Variants in SORCS1 observed in about 807,000 individuals in gnomAD.
SORCS1 encodes the protein sortilin related VPS10 domain containing receptor 1, also known as VPS10 domain-containing receptor SorCS1.
A neutral mutation model predicts 146.1 loss-of-function variants in SORCS1; 60 were observed. The ratio of observed to expected loss-of-function variants is 0.41; its 90% CI spans 0.33 to 0.51. The LOEUF is 0.51. Among genes scored for constraint, SORCS1 ranks in the 20% least tolerant of loss-of-function variants. The probability of loss-of-function intolerance (pLI) is 0.21; values close to 1 mark genes in which losing one functional copy is unlikely to be tolerated. For missense variants in SORCS1, 1,352 were observed against 1,487.6 expected (o/e 0.91, Z 1.50); for synonymous variants, 637 against 584.0 (o/e 1.09, Z -1.31).
intron 2 of SORCS1, among the ~76,000 whole-genome samples, chr10:106,844,885 T>A (rs1470065750): frequency 6.6e-6 from 1 of 150,448 alleles, no homozygotes; most frequent in Non-Finnish European, 1.5e-5. Context: ...TCCAATTTCA[T>A]CCATGGCCCT....
At chr10:107,035,404 A>T (rs1264720317) in intron 1 of SORCS1, among the ~76,000 whole-genome samples, 1 of 152,142 alleles carries the variant, frequency 6.6e-6, no homozygotes, top group Admixed American at 6.5e-5. Context: ...TGATTAAATG[A>T]GAGTACCTTC....
intron 10 of SORCS1, among the ~76,000 whole-genome samples, chr10:106,685,328 T>A (rs1462891759): frequency 6.6e-6 from 1 of 151,818 alleles, no homozygotes; most frequent in Admixed American, 6.6e-5. Flanking sequence ...ATTCCTGGAG[T>A]TGATTCTTTG....
Position 107,114,166 on chromosome 10 carries a change from A to C in SORCS1, c.558+49803T>G, listed in dbSNP as rs920599143. 2.6e-5 allele frequency among the ~76,000 whole-genome samples: 4 copies of C among 152,248 alleles called. No individual in the cohort carries two copies. The South Asian group carries it at 8.3e-4, about 32-fold the overall frequency. ...AATCAGTAATCAAAAACCTCCCAAC[A>C]AAAAAATTCCAGGGTCAATTATACC... On this transcript the variant is annotated intron_variant, in intron 1 of 25. Coordinates refer to ENST00000263054, the MANE Select transcript of SORCS1 (RefSeq NM_052918.5).
At chr10:107,088,449 G>A (rs938162574) in intron 1 of SORCS1, among the ~76,000 whole-genome samples, 2 of 152,120 alleles carry the variant, frequency 1.3e-5, no homozygotes, top group African/African-American at 4.8e-5. Flanking sequence ...GATTGGGTGG[G>A]GCATGGCAGG....
intron 1 of SORCS1, among the ~76,000 whole-genome samples, chr10:107,115,769 G>T (rs1434621646): frequency 6.6e-6 from 1 of 151,946 alleles, no homozygotes; most frequent in African/African-American, 2.4e-5. Flanking sequence ...AAACCAAAAA[G>T]CTTCTGCACA....
chr10:106,938,623 G>A (rs1004457631), intron 2 of SORCS1, among the ~76,000 whole-genome samples: 2 of 152,198 alleles, frequency 1.3e-5, no homozygotes, highest in African/African-American at 4.8e-5. Flanking sequence ...ATTGTATCAT[G>A]TGCTTAGATG....
chr10:107,011,056 G>A (rs1957677339), intron 1 of SORCS1, among the ~76,000 whole-genome samples: 1 of 152,224 alleles, frequency 6.6e-6, no homozygotes, highest in African/African-American at 2.4e-5. Context: ...GGATGAGCAG[G>A]AGGACAGGAA....
intron 2 of SORCS1, among the ~76,000 whole-genome samples, chr10:106,836,686 T>G (rs186882693): frequency 6.6e-6 from 1 of 152,112 alleles, no homozygotes; most frequent in East Asian, 1.9e-4. Flanking sequence ...AAAGCCTGGC[T>G]TTTCTTTATA....
chr10:107,090,944 G>A (rs1438806862), intron 1 of SORCS1, among the ~76,000 whole-genome samples: 15 of 144,088 alleles, frequency 1.0e-4, no homozygotes, highest in Non-Finnish European at 1.1e-4. Flanking sequence ...ACACACACAC[G>A]TACACACACA....
chr10:106,874,032 T>C (rs1950513281), intron 2 of SORCS1, among the ~76,000 whole-genome samples: 1 of 152,232 alleles, frequency 6.6e-6, no homozygotes, highest in Non-Finnish European at 1.5e-5. Context: ...GAATTACTAC[T>C]AATCAACCTG....
the SORCS1 span, among the ~76,000 whole-genome samples, chr10:107,172,089 T>C: frequency 6.6e-6 from 1 of 152,226 alleles, no homozygotes; most frequent in Non-Finnish European, 1.5e-5. Context: ...ATTGTTAAAC[T>C]GGTATTTTAT....
At chr10:106,601,852 A>G (rs1846261866) in intron 23 of SORCS1, among the ~76,000 whole-genome samples, 1 of 152,240 alleles carries the variant, frequency 6.6e-6, no homozygotes, top group Non-Finnish European at 1.5e-5. Context: ...GAAGTGGCAC[A>G]TATCACTTCT....
intron 10 of SORCS1, among the ~76,000 whole-genome samples, chr10:106,685,234 C>T (rs960978864): frequency 5.3e-5 from 8 of 152,250 alleles, no homozygotes; most frequent in African/African-American, 1.7e-4. Flanking sequence ...CAACACCTTT[C>T]GATGGAGTGC....
chr10:106,969,155 T>C (rs918960104), intron 1 of SORCS1, among the ~76,000 whole-genome samples: 2 of 152,390 alleles, frequency 1.3e-5, no homozygotes, highest in Non-Finnish European at 2.9e-5. Context: ...GTGATTTTTA[T>C]ATATTCCTTG....
At chr10:106,953,277 T>C (rs926790124) in intron 2 of SORCS1, among the ~76,000 whole-genome samples, 12 of 152,134 alleles carry the variant, frequency 7.9e-5, no homozygotes, top group Admixed American at 3.9e-4. Context: ...AAATTCCTGA[T>C]AGAAGATGGT....
intron 6 of SORCS1, among the ~76,000 whole-genome samples, chr10:106,726,783 C>T (rs1041709844): frequency 1.3e-5 from 2 of 152,118 alleles, no homozygotes; most frequent in African/African-American, 4.8e-5. Context: ...CATCTAGGAG[C>T]TTGTTAGAAA....
At chr10:106,798,086 A>T (rs1031219493) in intron 3 of SORCS1, among the ~76,000 whole-genome samples, 4 of 152,072 alleles carry the variant, frequency 2.6e-5, no homozygotes, top group African/African-American at 9.7e-5. Context: ...TGGGGGGCAG[A>T]TCTTCTCCAT....
intron 1 of SORCS1, among the ~76,000 whole-genome samples, chr10:107,057,873 C>T (rs1036602234): frequency 1.3e-5 from 2 of 152,068 alleles, no homozygotes; most frequent in African/African-American, 4.8e-5. Flanking sequence ...AGTGGCTACT[C>T]ACAGGCATGG....
At chr10:107,062,885 T>C (rs1389994831) in intron 1 of SORCS1, among the ~76,000 whole-genome samples, 1 of 152,218 alleles carries the variant, frequency 6.6e-6, no homozygotes, top group Admixed American at 6.5e-5. Context: ...TTTGTTTTTG[T>C]TTTTTCAAAT....
Sources: gnomAD v4.1 joint callset for allele counts (sites outside exome capture counted in the v4.1 genomes callset) on GRCh38, gnomAD v4.1.1 for gene constraint, MANE v1.5 for transcripts, NCBI Gene and HGNC (gene_info 2026-07-23, HGNC 2026-07-21) for gene names.